ATG14: variants seen among roughly 807,000 people sequenced by gnomAD.
The protein encoded by ATG14 is autophagy related 14, also known as beclin 1-associated autophagy-related key regulator.
In ATG14, 35 loss-of-function variants were observed where a neutral mutation model predicts 60.4. That is an observed-to-expected ratio of 0.58 (90% confidence interval 0.44 to 0.77). The LOEUF is 0.77. Among genes scored for constraint, ATG14 ranks in the 30% least tolerant of loss-of-function variants. The pLI, the probability that ATG14 is intolerant of heterozygous loss-of-function variation, is 0.00. For missense variants in ATG14, 647 were observed against 626.3 expected (o/e 1.03, Z -0.35); for synonymous variants, 234 against 228.8 (o/e 1.02, Z -0.21).
intron 9 of ATG14, among the ~76,000 whole-genome samples, chr14:55,377,487 G>A (rs1884941449): frequency 1.3e-5 from 2 of 152,154 alleles, no homozygotes; most frequent in Non-Finnish European, 2.9e-5. Flanking sequence ...GTCCAGGAAG[G>A]GCTGGAGAAG....
rs751823843 is a variant in ATG14, at chr14:55,369,623, C to T, written c.1475G>A (p.Arg492His). The change falls in exon 10 of 10, where the codon CGT (arginine) becomes CAT (histidine). Residue 492 changes from arginine to histidine, a missense_variant. Coordinates refer to ENST00000247178, the MANE Select transcript of ATG14 (RefSeq NM_014924.5). The stretch of plus-strand genomic sequence containing the variant: ...GTATGTTTTGGTCCATGCTCGTTAA[C>T]GGTGTCCAGTGTAAGCTTTAAACCA... ...TSWFKAYTGH[R>H] The T allele has an allele frequency of 1.9e-5, 29 of 1,514,396 alleles. No homozygotes were observed. Among genetic ancestry groups the T allele is most frequent in the Middle Eastern group, 1.9e-4 (1 of 5,368 alleles). The allele number at this position is 1,514,396 out of a possible 1,614,324, so 93.8% of individuals were successfully genotyped here. A position where few individuals can be genotyped will look rare whatever the true frequency, so the allele number is the denominator to read the frequency against.
At chr14:55,405,675 A>G (rs1014836855) in intron 1 of ATG14, among the ~76,000 whole-genome samples, 5 of 152,192 alleles carry the variant, frequency 3.3e-5, no homozygotes, top group African/African-American at 1.2e-4. Flanking sequence ...TAGCAGTGCT[A>G]TTTCTGGTGT....
At chr14:55,383,785 T>C (rs1478278034) in intron 5 of ATG14, among the ~76,000 whole-genome samples, 1 of 151,444 alleles carries the variant, frequency 6.6e-6, no homozygotes, top group African/African-American at 2.4e-5. Context: ...AAACCCACCA[T>C]GAGAAGTCAC....
chr14:55,408,497 C>T (rs1413699683), intron 1 of ATG14, among the ~76,000 whole-genome samples: 1 of 152,040 alleles, frequency 6.6e-6, no homozygotes, highest in East Asian at 1.9e-4. Flanking sequence ...AGCAGCCAGG[C>T]GTGGTGGCTC....
chr14:55,402,926 A>AAATATAT (rs1566585634), intron 1 of ATG14, among the ~76,000 whole-genome samples: 1 of 16,402 alleles, frequency 6.1e-5, no homozygotes, highest in Non-Finnish European at 1.1e-4. Context: ...AAAAAAAAAA[A>AAATATAT]ATATATATAT....
Position 55,385,942 on chromosome 14 carries a change from C to CTCATAATGA in ATG14, c.555_563dup (p.Tyr187_Glu188insAspHisTyr). ...GGGATCGTCGAAGATTTGCCAGACG[C>CTCATAATGA]TCATAATGACTTCTTAAGTCAATGG... On this transcript the variant is annotated inframe_insertion, in exon 5 of 10. Transcript: ENST00000247178. The CTCATAATGA allele has an allele frequency of 6.2e-7, 1 of 1,614,190 alleles. No individual in the cohort carries two copies. The highest frequency in any genetic ancestry group is 8.5e-7 in the Non-Finnish European group (1 of 1,180,028).
At chr14:55,410,583 T>A (rs78426230) in intron 1 of ATG14, among the ~76,000 whole-genome samples, 2,334 of 152,306 alleles carry the variant, frequency 0.015, 29 homozygotes, top group Non-Finnish European at 0.022. Flanking sequence ...ACAGAAATAC[T>A]AAGAACTCAA....
In ATG14 at chr14:55,369,843, T is replaced by C. The variant is rs1288639625; in HGVS notation, c.1255A>G (p.Ser419Gly). Reference protein sequence around the residue: ...DPGVAGESDESGDERVSDEET... With the variant: ...DPGVAGESDEGGDERVSDEET... ...TCATCGCTGACGCGCTCATCTCCGCTCTCATCTGATTCTCCAGCAACTCCG... is the reference window on the plus strand; with the variant it reads ...TCATCGCTGACGCGCTCATCTCCGCCCTCATCTGATTCTCCAGCAACTCCG... Residue 419 changes from serine (S) to glycine (G), a missense_variant, in exon 10 of 10, where the codon AGC becomes GGC. Transcript: ENST00000247178. The C allele has an allele frequency of 1.9e-6, 3 of 1,614,128 alleles. No individual in the cohort carries two copies. Among genetic ancestry groups the C allele is most frequent in the East Asian group, 2.2e-5 (1 of 44,878 alleles).
chr14:55,376,072 A>C (rs1884914591), intron 9 of ATG14, among the ~76,000 whole-genome samples: 1 of 152,200 alleles, frequency 6.6e-6, no homozygotes, highest in Non-Finnish European at 1.5e-5. Flanking sequence ...TGAAATAATA[A>C]ATACTGGTTA....
chr14:55,370,420 A>T (rs758340197), intron 9 of ATG14, among the ~76,000 whole-genome samples: 42 of 152,222 alleles, frequency 2.8e-4, no homozygotes, highest in Non-Finnish European at 4.4e-4. Flanking sequence ...ATTTTCTAGG[A>T]CACATTTCTA....
intron 6 of ATG14, among the ~76,000 whole-genome samples, chr14:55,381,446 C>A (rs968655632): frequency 6.6e-6 from 1 of 152,124 alleles, no homozygotes; most frequent in Non-Finnish European, 1.5e-5. Flanking sequence ...CGTCCTCTTA[C>A]ATAAACAAGA....
chr14:55,380,664 TGTAGGCAGG>T lies in ATG14; in HGVS notation c.895_903del (p.Pro299_Tyr301del), dbSNP rs1277475302. On this transcript the variant is annotated inframe_deletion, in exon 7 of 10. Transcript: ENST00000247178. ...GCATAGCACAGCGCAGCACTGATGG[TGTAGGCAGG>T]GTTACTCTGCTCCATGTCTGCAGTA... The T allele has an allele frequency of 2.5e-6, 4 of 1,610,984 alleles. No homozygotes were observed. In the African/African-American group the frequency reaches 5.3e-5, roughly 22 times the overall value.
intron 1 of ATG14, among the ~76,000 whole-genome samples, chr14:55,410,920 G>GCTCT (rs56791236): frequency 0.29 from 43,914 of 151,924 alleles, 6,422 homozygotes; most frequent in East Asian, 0.49. Flanking sequence ...AGAACTTGTA[G>GCTCT]CTGTTTAGAT....
chr14:55,382,007 C>T lies in ATG14; in HGVS notation c.832G>A (p.Ala278Thr). The T allele has an allele frequency of 6.2e-7, 1 of 1,614,180 alleles. No homozygotes were observed. The highest frequency in any genetic ancestry group is 8.5e-7 in the Non-Finnish European group (1 of 1,180,020). ...TTCTCCTCCACCCAGCTGTAGTAGG[C>T]AGAGTAGTCCCCATTGTTAGGGAGG... is the stretch of plus-strand genomic sequence containing the variant. The part of the protein sequence containing the change: ...ISLPNNGDYS[A>T]YYSWVEEKKT... Residue 278 changes from alanine (A) to threonine (T), a missense_variant, in exon 6 of 10, where the codon GCC becomes ACC. Coordinates refer to ENST00000247178, the MANE Select transcript of ATG14 (RefSeq NM_014924.5).
At chr14:55,397,529 C>G in intron 1 of ATG14, 95 bp from the exon 2 acceptor site, 3 of 985,562 alleles carry the variant, frequency 3.0e-6, no homozygotes, top group Non-Finnish European at 4.7e-6. Flanking sequence ...TCTGCAGAGT[C>G]ATGTGAAAAT....
At position 55,369,787 on chromosome 14, in the gene ATG14, G is replaced by C; in HGVS notation, c.1311C>G (p.Asn437Lys). The change falls in exon 10 of 10, where the codon AAC becomes AAG. Residue 437 changes from asparagine to lysine, a missense_variant. Asn to Lys is a moderately conservative substitution (Grantham distance 94). Coordinates refer to ENST00000247178, the MANE Select transcript of ATG14 (RefSeq NM_014924.5). ...EETDLGTDWE[N>K]LPSPRFCDIP... is the part of the protein sequence containing the mutation. ...TATCACAAAACCGGGGACTAGGCAA[G>C]TTCTCCCAGTCTGTGCCCAGGTCGG... is the stretch of plus-strand genomic sequence containing the variant. 6 of 1,614,200 alleles carry C rather than the reference G, an allele frequency of 3.7e-6. No individual in the cohort carries two copies. The highest frequency in any genetic ancestry group is 5.1e-6 in the Non-Finnish European group (6 of 1,180,032).
chr14:55,380,521 G>T, intron 7 of ATG14, 52 bp downstream of exon 7: 1 of 1,209,892 alleles, frequency 8.3e-7, no homozygotes, highest in East Asian at 2.4e-5. Context: ...AGACAAAATA[G>T]AAACTTGAAA....
intron 6 of ATG14, among the ~76,000 whole-genome samples, chr14:55,380,990 C>T (rs900577315): frequency 1.3e-5 from 2 of 148,910 alleles, no homozygotes; most frequent in South Asian, 4.2e-4. Context: ...AATATCAAAA[C>T]AATAAATGCC....
At chr14:55,392,613 C>T (rs774224139) in intron 3 of ATG14, among the ~76,000 whole-genome samples, 1 of 144,408 alleles carries the variant, frequency 6.9e-6, no homozygotes, top group Non-Finnish European at 1.5e-5. Flanking sequence ...TGTGCCACGG[C>T]ACTCCAGCCT....
Sources: allele counts gnomAD v4.1 joint callset (sites outside exome capture counted in the v4.1 genomes callset), GRCh38; gene constraint gnomAD v4.1.1; transcripts MANE v1.5; gene names NCBI Gene and HGNC (gene_info 2026-07-23, HGNC 2026-07-21).